RNF180: variants seen among roughly 807,000 people sequenced by gnomAD.
RNF180 encodes ring finger protein 180, also known as E3 ubiquitin-protein ligase RNF180.
Under a neutral mutation model 59.2 loss-of-function variants are expected in RNF180, and 38 were observed. The ratio of observed to expected loss-of-function variants is 0.64; its 90% CI spans 0.50 to 0.84. The LOEUF is 0.84. Among genes scored for constraint, RNF180 ranks in the 40% least tolerant of loss-of-function variants. RNF180 has a pLI of 0.00. For synonymous variants in RNF180, 262 were observed against 240.3 expected, an observed-to-expected ratio of 1.09 and a Z score of -0.84; for missense variants, 705 against 700.9, an observed-to-expected ratio of 1.01 and a Z score of -0.07.
intron 7 of RNF180, among the ~76,000 whole-genome samples, chr5:64,340,368 T>A (rs1383592574): frequency 6.6e-6 from 1 of 152,202 alleles, no homozygotes; most frequent in Non-Finnish European, 1.5e-5. Flanking sequence ...ATCCATCCAT[T>A]TTTCATGAAA....
At chr5:64,358,140 T>C (rs1467395674) in intron 7 of RNF180, among the ~76,000 whole-genome samples, 1 of 151,816 alleles carries the variant, frequency 6.6e-6, no homozygotes, top group Non-Finnish European at 1.5e-5. Flanking sequence ...AACTGCTGGG[T>C]GCTCCACCCA....
At chr5:64,319,489 A>G (rs1744235038) in intron 5 of RNF180, among the ~76,000 whole-genome samples, 1 of 152,240 alleles carries the variant, frequency 6.6e-6, no homozygotes, top group African/African-American at 2.4e-5. Flanking sequence ...AATGTTAACA[A>G]TTGATGAACC....
chr5:64,219,818 C>T (rs1451588239), intron 5 of RNF180, among the ~76,000 whole-genome samples: 8 of 151,892 alleles, frequency 5.3e-5, no homozygotes, highest in East Asian at 1.9e-4. Context: ...CGCGCCTGGC[C>T]GAGGATAACA....
At chr5:64,330,544 A>G in intron 7 of RNF180, 138 bp downstream of exon 7, 3 of 842,816 alleles carry the variant, frequency 3.6e-6, no homozygotes, top group Non-Finnish European at 5.5e-6. Context: ...GATTTTGCTA[A>G]GTATCTCCTT....
At chr5:64,189,759 A>G (rs935198960) in intron 1 of RNF180, among the ~76,000 whole-genome samples, 1 of 152,180 alleles carries the variant, frequency 6.6e-6, no homozygotes, top group African/African-American at 2.4e-5. Context: ...TGGAGAGGAC[A>G]CTCACTGTAT....
At chr5:64,282,212 G>A (rs1742048028) in intron 5 of RNF180, among the ~76,000 whole-genome samples, 1 of 152,068 alleles carries the variant, frequency 6.6e-6, no homozygotes, top group South Asian at 2.1e-4. Context: ...TTTTATTACT[G>A]ATTCAATTTC....
At chr5:64,194,547 A>G (rs1751355073) in intron 1 of RNF180, among the ~76,000 whole-genome samples, 1 of 152,176 alleles carries the variant, frequency 6.6e-6, no homozygotes, top group African/African-American at 2.4e-5. Context: ...GTCAAATGGT[A>G]TTTCTAGTTC....
At chr5:64,361,314 G>A (rs1746245941) in intron 7 of RNF180, among the ~76,000 whole-genome samples, 1 of 151,328 alleles carries the variant, frequency 6.6e-6, no homozygotes, top group East Asian at 1.9e-4. Context: ...TGAAGGAATG[G>A]TATATATGAG....
At chr5:64,185,653 A>C (rs1047451315) in intron 1 of RNF180, among the ~76,000 whole-genome samples, 1 of 152,208 alleles carries the variant, frequency 6.6e-6, no homozygotes, top group Non-Finnish European at 1.5e-5. Flanking sequence ...GCCCAAAGAG[A>C]GAACAGTAGC....
At chr5:64,253,993 G>T (rs1157031791) in intron 5 of RNF180, among the ~76,000 whole-genome samples, 1 of 151,964 alleles carries the variant, frequency 6.6e-6, no homozygotes, top group Admixed American at 6.6e-5. Context: ...CTAAAGGGTG[G>T]ACCCTCTCTT....
intron 5 of RNF180, among the ~76,000 whole-genome samples, chr5:64,256,100 G>T (rs562080938): frequency 1.1e-3 from 160 of 152,024 alleles, no homozygotes; most frequent in African/African-American, 3.7e-3. Context: ...CTGGATATTA[G>T]CCCTTTGTCA....
At chr5:64,225,346 G>C (rs975255811) in intron 5 of RNF180, among the ~76,000 whole-genome samples, 2 of 150,866 alleles carry the variant, frequency 1.3e-5, no homozygotes, top group Non-Finnish European at 3.0e-5. Context: ...CGTCTGGGAA[G>C]TGAGGAGCGC....
Position 64,296,849 on chromosome 5 carries a change from AC to A in RNF180, c.1228-28336del, listed in dbSNP as rs760279252. On this transcript the variant is annotated intron_variant, in intron 5 of 7. Coordinates refer to ENST00000389100, the MANE Select transcript of RNF180 (RefSeq NM_001113561.2). The stretch of plus-strand genomic sequence containing the variant: ...GATGTCAGGAGGTACCATTTTCTCT[AC>A]TTCTCTTGAAATGGAGGTTTGATTT... Among the ~76,000 whole-genome samples the A allele has an allele frequency of 3.3e-5, 5 of 152,136 alleles. No individual in the cohort carries two copies. In the South Asian group the frequency reaches 1.0e-3, roughly 32 times the overall value.
intron 5 of RNF180, among the ~76,000 whole-genome samples, chr5:64,273,711 A>G (rs1741560135): frequency 6.6e-6 from 1 of 152,046 alleles, no homozygotes; most frequent in Non-Finnish European, 1.5e-5. Flanking sequence ...AATTCATTTG[A>G]TAAGTTTGGC....
chr5:64,325,389 T>C lies in RNF180; in HGVS notation c.1431T>C (p.Ile477=). 6.4e-7 allele frequency: 1 copy of C among 1,550,766 alleles called. No individual in the cohort carries two copies. Among genetic ancestry groups the C allele is most frequent in the Non-Finnish European group, 8.7e-7 (1 of 1,146,104 alleles). ...CATGCCCATTGTGTCGGACAATTAT[T>C]TCTAGAGTCTTTTTCCAAACAGGTA... The part of the protein sequence containing the change: ...STPCPLCRTI[I]SRVFFQTELN... Residue 477 remains isoleucine (I), a synonymous_variant, in exon 6 of 8, where the codon ATT becomes ATC. Transcript: ENST00000389100.
At chr5:64,290,589 T>G (rs1455667916) in intron 5 of RNF180, among the ~76,000 whole-genome samples, 2 of 152,228 alleles carry the variant, frequency 1.3e-5, no homozygotes, top group African/African-American at 4.8e-5. Context: ...ATATTTAGGA[T>G]AGTTAGCTCT....
At chr5:64,201,993 A>G (rs957379066) in intron 2 of RNF180, among the ~76,000 whole-genome samples, 1 of 152,066 alleles carries the variant, frequency 6.6e-6, no homozygotes, top group African/African-American at 2.4e-5. Context: ...TTGAAATAAC[A>G]TTTTAATTAG....
chr5:64,302,826 T>C (rs1743226455), intron 5 of RNF180, among the ~76,000 whole-genome samples: 1 of 151,638 alleles, frequency 6.6e-6, no homozygotes, highest in Non-Finnish European at 1.5e-5. Flanking sequence ...AAGAACTTGT[T>C]GAGTGCCACT....
chr5:64,194,294 G>C (rs1280397983), intron 1 of RNF180, among the ~76,000 whole-genome samples: 7 of 152,170 alleles, frequency 4.6e-5, no homozygotes, highest in African/African-American at 1.4e-4. Context: ...TGAGAATGAT[G>C]GTTTCCAGCT....
Sources: gnomAD v4.1 joint callset for allele counts (sites outside exome capture counted in the v4.1 genomes callset) on GRCh38, gnomAD v4.1.1 for gene constraint, MANE v1.5 for transcripts, NCBI Gene and HGNC (gene_info 2026-07-23, HGNC 2026-07-21) for gene names.